PFDN2: variants seen among roughly 807,000 people sequenced by gnomAD.
PFDN2 encodes prefoldin subunit 2, also known as prefoldin 2.
A neutral mutation model predicts 18.3 loss-of-function variants in PFDN2; 7 were observed. That is an observed-to-expected ratio of 0.38 (90% CI 0.22 to 0.72). PFDN2 has a LOEUF of 0.72. Ranked by LOEUF, PFDN2 falls within the 30% of genes least tolerant of loss-of-function variation. PFDN2 has a pLI of 0.47. For missense variants in PFDN2, 181 were observed against 199.1 expected, an observed-to-expected ratio of 0.91 and a Z score of 0.55; for synonymous variants, 76 against 75.0, an observed-to-expected ratio of 1.01 and a Z score of -0.07.
chr1:161,107,471 A>G (rs1654704126), intron 1 of PFDN2, among the ~76,000 whole-genome samples: 1 of 151,812 alleles, frequency 6.6e-6, no homozygotes, highest in African/African-American at 2.4e-5. Context: ...CTGCGTTAGA[A>G]CATTTAGGTT....
chr1:161,109,585 A>T (rs897357672), intron 1 of PFDN2, among the ~76,000 whole-genome samples: 4 of 152,216 alleles, frequency 2.6e-5, no homozygotes, highest in Non-Finnish European at 4.4e-5. Context: ...TATGCCAGGC[A>T]CTGTGCTAGA....
chr1:161,114,983 G>T (rs4523530), intron 1 of PFDN2, among the ~76,000 whole-genome samples: 54,735 of 152,048 alleles, frequency 0.36, 10,063 homozygotes, highest in East Asian at 0.43. Flanking sequence ...TCTGTTTCAT[G>T]TACAATAGTC....
Position 161,102,072 on chromosome 1 carries a change from G to A in PFDN2, c.264C>T (p.Pro88=), listed in dbSNP as rs775330580. The A allele has an allele frequency of 1.4e-5, 22 of 1,614,132 alleles. No homozygotes were observed. The highest frequency in any genetic ancestry group is 2.2e-5 in the South Asian group (2 of 91,080). Reference sequence around the variant, plus strand: ...CCTGCTCCTTGTTGTTCTCCAAAGCGGGCAGCACCTCTTTGACAGTTCGCT... The same window carrying A: ...CCTGCTCCTTGTTGTTCTCCAAAGCAGGCAGCACCTCTTTGACAGTTCGCT... ...LVERTVKEVL[P]ALENNKEQIQ... is the part of the protein sequence containing the mutation. The change falls in exon 3 of 4, where the codon CCC becomes CCT. Residue 88 remains proline, a synonymous_variant. Coordinates refer to ENST00000368010, the MANE Select transcript of PFDN2 (RefSeq NM_012394.4).
chr1:161,106,060 T>G (rs1426757564), intron 1 of PFDN2, among the ~76,000 whole-genome samples: 5 of 151,858 alleles, frequency 3.3e-5, no homozygotes, highest in African/African-American at 4.8e-5. Context: ...CATGAATGAC[T>G]TGGTTGCCAT....
intron 1 of PFDN2, among the ~76,000 whole-genome samples, chr1:161,110,387 T>A (rs1654780126): frequency 6.6e-6 from 1 of 152,000 alleles, no homozygotes; most frequent in South Asian, 2.1e-4. Context: ...AATAACCTAG[T>A]GAAGTGCAGA....
chr1:161,115,307 A>G (rs1362073200), intron 1 of PFDN2, among the ~76,000 whole-genome samples: 1 of 152,088 alleles, frequency 6.6e-6, no homozygotes, highest in African/African-American at 2.4e-5. Flanking sequence ...CAGATGATCC[A>G]CCCACCTCGG....
chr1:161,107,969 G>C (rs1654718771), intron 1 of PFDN2, among the ~76,000 whole-genome samples: 1 of 150,070 alleles, frequency 6.7e-6, no homozygotes, highest in South Asian at 2.1e-4. Flanking sequence ...CAAAAAATTA[G>C]CTGGATGTGG....
chr1:161,104,604 A>G (rs1654642884), intron 1 of PFDN2, among the ~76,000 whole-genome samples: 1 of 151,492 alleles, frequency 6.6e-6, no homozygotes, highest in Non-Finnish European at 1.5e-5. Context: ...ACCACCTAAT[A>G]TTTTTGTAGA....
chr1:161,117,888 T>C (rs925743399), intron 1 of PFDN2, 64 bp downstream of exon 1: 10 of 1,381,922 alleles, frequency 7.2e-6, no homozygotes, highest in Non-Finnish European at 1.0e-5. Flanking sequence ...AGCCACAGGC[T>C]CCCCCTTCTC....
chr1:161,112,800 C>T (rs1378259400), intron 1 of PFDN2, among the ~76,000 whole-genome samples: 1 of 151,868 alleles, frequency 6.6e-6, no homozygotes, highest in East Asian at 1.9e-4. Context: ...CTTCCTAACA[C>T]TTAGATGACA....
intron 1 of PFDN2, among the ~76,000 whole-genome samples, chr1:161,104,145 T>C (rs1280320935): frequency 6.6e-6 from 1 of 152,202 alleles, no homozygotes; most frequent in Non-Finnish European, 1.5e-5. Context: ...ACCTGCAAAA[T>C]GCAGATAATG....
intron 1 of PFDN2, among the ~76,000 whole-genome samples, chr1:161,114,495 T>C (rs1023512479): frequency 1.3e-5 from 2 of 152,200 alleles, no homozygotes; most frequent in Non-Finnish European, 2.9e-5. Flanking sequence ...CACTTCCTTC[T>C]TTGCTTGACT....
At position 161,102,301 on chromosome 1, in the gene PFDN2, C is replaced by G; in HGVS notation, c.150G>C (p.Glu50Asp). ...GACTTTCTCACCTGTGCTCATTCAA[C>G]TCCATCTCCAACTCAGCTGCTTTGG... ...LASKAAELEM[E>D]LNEHSLVIDT... The change falls in exon 2 of 4, where the codon GAG becomes GAC. Residue 50 changes from glutamate to aspartate, a missense_variant. By Grantham distance (45) the Glu-to-Asp change is conservative. Coordinates refer to ENST00000368010, the MANE Select transcript of PFDN2 (RefSeq NM_012394.4). 6.2e-7 allele frequency: 1 copy of G among 1,614,192 alleles called. No homozygotes were observed. Among genetic ancestry groups the G allele is most frequent in the Non-Finnish European group, 8.5e-7 (1 of 1,179,998 alleles).
chr1:161,114,518 C>T (rs12134488), intron 1 of PFDN2, among the ~76,000 whole-genome samples: 74 of 152,176 alleles, frequency 4.9e-4, no homozygotes, highest in Non-Finnish European at 9.1e-4. Context: ...CTTCTCTCAT[C>T]CTTTAGAATT....
chr1:161,116,634 T>C (rs1654935097), intron 1 of PFDN2, among the ~76,000 whole-genome samples: 1 of 152,074 alleles, frequency 6.6e-6, no homozygotes, highest in Non-Finnish European at 1.5e-5. Context: ...ATATGAGCAT[T>C]TTGCTTCTCT....
intron 1 of PFDN2, among the ~76,000 whole-genome samples, chr1:161,115,968 A>T (rs1212234086): frequency 6.6e-6 from 1 of 152,190 alleles, no homozygotes; most frequent in African/African-American, 2.4e-5. Context: ...CACACCTGCA[A>T]TCCCAACACT....
intron 3 of PFDN2, among the ~76,000 whole-genome samples, chr1:161,101,634 T>G (rs992935391): frequency 6.6e-6 from 1 of 152,212 alleles, no homozygotes; most frequent in African/African-American, 2.4e-5. Context: ...ATGAGAAACA[T>G]TACTCTAACC....
At chr1:161,116,509 CA>C (rs1212155362) in intron 1 of PFDN2, among the ~76,000 whole-genome samples, 2 of 152,042 alleles carry the variant, frequency 1.3e-5, no homozygotes, top group Non-Finnish European at 2.9e-5. Flanking sequence ...GACTCCGTCT[CA>C]ACAACAAAAA....
chr1:161,109,880 T>C (rs1654767331), intron 1 of PFDN2, among the ~76,000 whole-genome samples: 4 of 151,860 alleles, frequency 2.6e-5, no homozygotes, highest in Admixed American at 2.6e-4. Context: ...TGAAACCCCA[T>C]CCCTAATAAA....
Sources: allele counts gnomAD v4.1 joint callset (sites outside exome capture counted in the v4.1 genomes callset), GRCh38; gene constraint gnomAD v4.1.1; transcripts MANE v1.5; gene names NCBI Gene and HGNC (gene_info 2026-07-23, HGNC 2026-07-21).